Variants in ACBD6 observed in about 807,000 individuals in gnomAD.
ACBD6 encodes the protein acyl-CoA binding domain containing 6, also known as acyl-CoA-binding domain-containing protein 6.
ACBD6 carries 28 observed loss-of-function variants against 37.2 expected under a neutral mutation model. The observed-to-expected ratio is 0.75, with a 90% confidence interval of 0.56 to 1.03. ACBD6 has a LOEUF of 1.03. Ranked by LOEUF, ACBD6 falls within the 50% of genes least tolerant of loss-of-function variation. ACBD6 has a pLI of 0.00. For synonymous variants in ACBD6, 113 were observed against 126.8 expected (o/e 0.89, Z 0.73); for missense variants, 340 against 337.4 (o/e 1.01, Z -0.06).
chr1:180,434,502 T>C (rs574628480), intron 3 of ACBD6, among the ~76,000 whole-genome samples: 133 of 152,324 alleles, frequency 8.7e-4, no homozygotes, highest in African/African-American at 3.1e-3. Context: ...ACAATTGTCA[T>C]CTATTGCATC....
chr1:180,275,598 A>AC (rs943266728), intron 9 of ACBD6: 3 of 152,062 alleles, frequency 2.0e-5, no homozygotes, highest in Admixed American at 2.0e-4. Context: ...TTGCAAGTCT[A>AC]CCCCTCTGAA....
chr1:180,271,349 G>T (rs376940376), exon 14 of ACBD6: 35 of 1,613,810 alleles, frequency 2.2e-5, no homozygotes, highest in Admixed American at 8.3e-5. Flanking sequence ...CAGATAGGCC[G>T]AAGCCAGTAA....
chr1:180,297,779 C>T (rs1011619586), intron 7 of ACBD6, among the ~76,000 whole-genome samples: 1 of 152,134 alleles, frequency 6.6e-6, no homozygotes, highest in Admixed American at 6.6e-5. Flanking sequence ...TTACTCTTGT[C>T]GCCCAGGCTG....
intron 5 of ACBD6, among the ~76,000 whole-genome samples, chr1:180,409,461 G>A (rs1265989257): frequency 6.6e-6 from 1 of 152,212 alleles, no homozygotes; most frequent in East Asian, 1.9e-4. Context: ...GCAACCCTGA[G>A]TTAAGCCAAC....
At chr1:180,389,397 A>T (rs1473419754) in intron 6 of ACBD6, among the ~76,000 whole-genome samples, 1 of 152,028 alleles carries the variant, frequency 6.6e-6, no homozygotes, top group Non-Finnish European at 1.5e-5. Context: ...AATCCAGTCT[A>T]TCATTGTTGG....
At chr1:180,495,709 T>G (rs1314157089) in intron 1 of ACBD6, among the ~76,000 whole-genome samples, 184 bp from the exon 2 acceptor site, 2 of 152,174 alleles carry the variant, frequency 1.3e-5, no homozygotes, top group African/African-American at 4.8e-5. Flanking sequence ...AATCAAACAT[T>G]ACATACAGCC....
At chr1:180,274,374 A>G (rs1648895341) in intron 10 of ACBD6, 4 of 1,614,018 alleles carry the variant, frequency 2.5e-6, no homozygotes, top group Non-Finnish European at 2.5e-6. Flanking sequence ...CTGCCATCCC[A>G]CGCTCCTTTG....
At chr1:180,312,787 C>T (rs1054848004) in intron 7 of ACBD6, among the ~76,000 whole-genome samples, 1 of 152,142 alleles carries the variant, frequency 6.6e-6, no homozygotes, top group Non-Finnish European at 1.5e-5. Context: ...AGGTGTCAGA[C>T]ATTGTTCCAA....
chr1:180,473,781 T>C (rs1002635800), intron 3 of ACBD6, among the ~76,000 whole-genome samples: 1 of 152,174 alleles, frequency 6.6e-6, no homozygotes, highest in Non-Finnish European at 1.5e-5. Context: ...GAATGGTACA[T>C]AATAACAGTA....
chr1:180,475,244 C>T (rs911761325), intron 3 of ACBD6, among the ~76,000 whole-genome samples: 1 of 152,122 alleles, frequency 6.6e-6, no homozygotes, highest in Non-Finnish European at 1.5e-5. Context: ...CTGCCACAGT[C>T]GAGATGATGA....
Position 180,288,412 on chromosome 1 carries a change from C to T in ACBD6, c.800G>A (p.Cys267Tyr), listed in dbSNP as rs1239579794. The T allele has an allele frequency of 2.5e-6, 4 of 1,613,756 alleles. No homozygotes were observed. Among genetic ancestry groups the T allele is most frequent in the Non-Finnish European group, 3.4e-6 (4 of 1,180,006 alleles). Residue 267 changes from cysteine to tyrosine, a missense_variant, in exon 8 of 8, where the codon TGC becomes TAC. Coordinates refer to ENST00000367595, the MANE Select transcript of ACBD6 (RefSeq NM_032360.4). ...DGCLPEEVTG[C>Y]KTVSLVLQRH... ...CTGCAGCACCAAAGAAACTGTTTTG[C>T]AGCCTGTCACCTCCTCTGGCAGGCA... is the stretch of plus-strand genomic sequence containing the variant.
intron 6 of ACBD6, among the ~76,000 whole-genome samples, chr1:180,317,016 T>A (rs1177650688): frequency 6.6e-6 from 1 of 152,172 alleles, no homozygotes; most frequent in East Asian, 1.9e-4. Flanking sequence ...CAACCCAAAA[T>A]GGGCAAATCA....
At chr1:180,316,977 G>A (rs752018199) in intron 6 of ACBD6, among the ~76,000 whole-genome samples, 25 of 152,336 alleles carry the variant, frequency 1.6e-4, no homozygotes, top group Admixed American at 7.8e-4. Flanking sequence ...TTTACACGGA[G>A]AACTGGGGAA....
intron 7 of ACBD6, among the ~76,000 whole-genome samples, chr1:180,292,368 C>T (rs776427949): frequency 6.6e-6 from 1 of 152,126 alleles, no homozygotes; most frequent in South Asian, 2.1e-4. Context: ...TATACACATA[C>T]AAATCTTACT....
chr1:180,363,855 C>T (rs1364032759), intron 6 of ACBD6, among the ~76,000 whole-genome samples: 2 of 146,376 alleles, frequency 1.4e-5, no homozygotes, highest in Non-Finnish European at 2.9e-5. Context: ...GAAAGCTCCA[C>T]AAAATGGAGA....
chr1:180,476,508 T>G (rs1237352304), intron 3 of ACBD6, among the ~76,000 whole-genome samples: 1 of 152,106 alleles, frequency 6.6e-6, no homozygotes, highest in East Asian at 1.9e-4. Context: ...AAAAGAAAAT[T>G]TAAAAGTACA....
At chr1:180,319,987 A>G (rs1650996131) in intron 6 of ACBD6, among the ~76,000 whole-genome samples, 1 of 152,184 alleles carries the variant, frequency 6.6e-6, no homozygotes. Context: ...TATCCCTTCA[A>G]CATACTGATT....
chr1:180,498,651 C>A (rs1213669328), intron 1 of ACBD6, among the ~76,000 whole-genome samples: 1 of 151,996 alleles, frequency 6.6e-6, no homozygotes, highest in African/African-American at 2.4e-5. Context: ...ATCAGGAGAC[C>A]AGCCTGGTCA....
chr1:180,276,931 T>C (rs984710083), intron 9 of ACBD6: 5 of 152,188 alleles, frequency 3.3e-5, no homozygotes, highest in African/African-American at 1.2e-4. Flanking sequence ...CCCAGTTCAA[T>C]AGTGGAAGGA....
Sources: allele counts gnomAD v4.1 joint callset (sites outside exome capture counted in the v4.1 genomes callset), GRCh38; gene constraint gnomAD v4.1.1; transcripts MANE v1.5; gene names NCBI Gene and HGNC (gene_info 2026-07-23, HGNC 2026-07-21).